The following UBE3D variants were observed in gnomAD, a reference collection of about 807,000 sequenced individuals.
UBE3D encodes the protein E3 ubiquitin-protein ligase E3D.
UBE3D carries 48 observed loss-of-function variants against 49.6 expected under a neutral mutation model. The observed-to-expected ratio is 0.97, with a 90% CI of 0.77 to 1.23. The LOEUF (loss-of-function observed/expected upper bound fraction) is 1.23. Among genes scored for constraint, UBE3D ranks in the 50% most tolerant of loss-of-function variants. The pLI, the probability that UBE3D is intolerant of heterozygous loss-of-function variation, is 0.00. For synonymous variants in UBE3D, 189 were observed against 174.2 expected (o/e 1.08, Z -0.67); for missense variants, 452 against 468.4 (o/e 0.96, Z 0.32).
At chr6:82,984,713 T>C (rs1778340983) in intron 8 of UBE3D, among the ~76,000 whole-genome samples, 1 of 152,182 alleles carries the variant, frequency 6.6e-6, no homozygotes, top group South Asian at 2.1e-4. Flanking sequence ...TTCTACTCCA[T>C]TTTTCTATGG....
intron 3 of UBE3D, among the ~76,000 whole-genome samples, chr6:83,052,259 G>A (rs997915476): frequency 1.3e-5 from 2 of 152,134 alleles, no homozygotes; most frequent in Non-Finnish European, 2.9e-5. Context: ...AGCTGCTCTG[G>A]CTTCTGAGTC....
intron 8 of UBE3D, among the ~76,000 whole-genome samples, chr6:82,998,469 C>T (rs192618259): frequency 1.7e-3 from 260 of 152,302 alleles, no homozygotes; most frequent in African/African-American, 6.1e-3. Context: ...TATCATCTCA[C>T]ATTAGGCCAA....
chr6:82,896,059 T>G (rs1771294811), intron 9 of UBE3D, among the ~76,000 whole-genome samples: 1 of 152,218 alleles, frequency 6.6e-6, no homozygotes, highest in Non-Finnish European at 1.5e-5. Context: ...CATTATGTAT[T>G]TTTAAAGACA....
the UBE3D span, among the ~76,000 whole-genome samples, chr6:82,881,766 A>C: frequency 6.6e-6 from 1 of 152,180 alleles, no homozygotes; most frequent in Non-Finnish European, 1.5e-5. Flanking sequence ...GAATCACATA[A>C]TATTTCTGCC....
At chr6:83,039,735 C>T (rs548212139) in intron 4 of UBE3D, among the ~76,000 whole-genome samples, 25 of 152,256 alleles carry the variant, frequency 1.6e-4, no homozygotes, top group Middle Eastern at 3.4e-3. Flanking sequence ...ACCTCCGCCT[C>T]CCGGGTTTAA....
At chr6:83,044,702 T>C (rs773360437) in intron 3 of UBE3D, 43 bp from the exon 4 acceptor site, 5 of 1,442,082 alleles carry the variant, frequency 3.5e-6, no homozygotes, top group African/African-American at 2.8e-5. Flanking sequence ...AACAAAATGA[T>C]ACTAACATTT....
At chr6:82,984,707 A>G (rs1052219380) in intron 8 of UBE3D, among the ~76,000 whole-genome samples, 6 of 151,234 alleles carry the variant, frequency 4.0e-5, no homozygotes, top group Non-Finnish European at 8.8e-5. Flanking sequence ...GAATATTTCT[A>G]CTCCATTTTT....
intron 3 of UBE3D, among the ~76,000 whole-genome samples, chr6:83,047,464 G>A (rs946265169): frequency 2.0e-5 from 3 of 152,282 alleles, no homozygotes; most frequent in African/African-American, 4.8e-5. Flanking sequence ...GGCAGCTCCC[G>A]TACCTCCCTG....
intron 8 of UBE3D, among the ~76,000 whole-genome samples, chr6:82,959,717 CAAAAAAAAAAAAAAAAAA>C (rs778278435): frequency 1.6e-4 from 6 of 37,718 alleles, no homozygotes; most frequent in Non-Finnish European, 2.7e-4. Flanking sequence ...GTGAGACCTC[CAAAAAAAAAAAAAAAAAA>C]AAAAAAAAAA....
chr6:83,044,621 C>T lies in UBE3D; in HGVS notation c.404G>A (p.Trp135Ter). The T allele has an allele frequency of 6.2e-7, 1 of 1,614,120 alleles. No homozygotes were observed. ...ACACCATTCTCCAACTAGAGCTCCC[C>T]AGTTCTCACTCGGCAGTGGGAGCAC... Reference protein sequence around the residue: ...LRVLPLPSENWGALVGEWCCH... With the variant: ...LRVLPLPSEN Residue 135 changes from tryptophan to a stop codon, truncating the protein, a stop_gained, in exon 4 of 10, where the codon TGG becomes TAG. Transcript: ENST00000369747. LOFTEE classifies it high-confidence loss of function.
chr6:82,906,755 G>A (rs1582300920), intron 9 of UBE3D, among the ~76,000 whole-genome samples: 1 of 152,154 alleles, frequency 6.6e-6, no homozygotes, highest in African/African-American at 2.4e-5. Flanking sequence ...AGTGCAGCAA[G>A]AAAACACCCT....
At chr6:82,881,041 A>T in the UBE3D span, among the ~76,000 whole-genome samples, 1 of 152,080 alleles carries the variant, frequency 6.6e-6, no homozygotes, top group Non-Finnish European at 1.5e-5. Flanking sequence ...AAAAGGTCCC[A>T]CCTCCTAATA....
At chr6:83,057,693 T>C (rs866363489) in intron 2 of UBE3D, 133 bp downstream of exon 2, 1 of 800,294 alleles carries the variant, frequency 1.2e-6, no homozygotes. Context: ...AGCCAATAAC[T>C]GGCAGAGCTG....
chr6:82,996,987 A>C (rs999730155), intron 8 of UBE3D, among the ~76,000 whole-genome samples: 4 of 151,956 alleles, frequency 2.6e-5, no homozygotes. Flanking sequence ...GTTTTGACAA[A>C]GATGTCATGA....
chr6:82,976,586 C>T (rs1488852086), intron 8 of UBE3D, among the ~76,000 whole-genome samples: 1 of 152,150 alleles, frequency 6.6e-6, no homozygotes, highest in Non-Finnish European at 1.5e-5. Context: ...ATTTCTGCCA[C>T]CGTCACCTTC....
At chr6:82,902,741 G>T (rs7738961) in intron 9 of UBE3D, among the ~76,000 whole-genome samples, 17,450 of 152,100 alleles carry the variant, frequency 0.11, 1,436 homozygotes, top group African/African-American at 0.22. Context: ...AAATTGTATA[G>T]AACTCAGTAC....
At chr6:83,028,363 C>A (rs1188722910) in intron 5 of UBE3D, among the ~76,000 whole-genome samples, 1 of 152,094 alleles carries the variant, frequency 6.6e-6, no homozygotes, top group African/African-American at 2.4e-5. Context: ...TATTTCCTTA[C>A]AAAGGTGATT....
chr6:82,944,332 G>A (rs1477489134), intron 9 of UBE3D, among the ~76,000 whole-genome samples: 1 of 152,188 alleles, frequency 6.6e-6, no homozygotes, highest in Non-Finnish European at 1.5e-5. Context: ...CCTAGCTCCT[G>A]GATGACATTT....
At chr6:82,971,268 G>A (rs1191654047) in intron 8 of UBE3D, among the ~76,000 whole-genome samples, 1 of 151,952 alleles carries the variant, frequency 6.6e-6, no homozygotes, top group Non-Finnish European at 1.5e-5. Context: ...TTTTTACTAT[G>A]TTCTATTACA....
Sources: allele counts gnomAD v4.1 joint callset (sites outside exome capture counted in the v4.1 genomes callset), GRCh38; gene constraint gnomAD v4.1.1; transcripts MANE v1.5; gene names NCBI Gene and HGNC (gene_info 2026-07-23, HGNC 2026-07-21).